Variants in KIAA1328 observed in about 807,000 individuals in gnomAD.
KIAA1328 encodes KIAA1328, also known as protein hinderin.
A neutral mutation model predicts 68.1 loss-of-function variants in KIAA1328; 52 were observed. The ratio of observed to expected loss-of-function variants is 0.76; its 90% CI spans 0.61 to 0.96. The LOEUF is 0.96. Among genes scored for constraint, KIAA1328 ranks in the 40% least tolerant of loss-of-function variants. KIAA1328 has a pLI of 0.00. For missense variants in KIAA1328, 641 were observed against 677.6 expected (o/e 0.95, Z 0.60); for synonymous variants, 232 against 239.4 (o/e 0.97, Z 0.28).
chr18:37,014,727 C>T (rs1314409825), intron 6 of KIAA1328, among the ~76,000 whole-genome samples: 5 of 152,112 alleles, frequency 3.3e-5, no homozygotes, highest in Admixed American at 1.3e-4. Context: ...TGGGACAGTA[C>T]CAAGGGGGAA....
At chr18:36,871,042 A>G (rs961903962) in intron 4 of KIAA1328, among the ~76,000 whole-genome samples, 1 of 152,134 alleles carries the variant, frequency 6.6e-6, no homozygotes, top group Non-Finnish European at 1.5e-5. Flanking sequence ...TCCCGTCAAC[A>G]TGAGTCTCCT....
chr18:37,126,838 A>G (rs962762062), intron 7 of KIAA1328, among the ~76,000 whole-genome samples: 3 of 152,172 alleles, frequency 2.0e-5, no homozygotes, highest in Admixed American at 2.0e-4. Flanking sequence ...GCTAGAAGAG[A>G]AAAACCACCT....
chr18:36,963,394 A>C (rs2051779703), intron 6 of KIAA1328, among the ~76,000 whole-genome samples: 1 of 152,224 alleles, frequency 6.6e-6, no homozygotes, highest in South Asian at 2.1e-4. Flanking sequence ...GGATGTGGGA[A>C]GGGAGATGGA....
intron 6 of KIAA1328, among the ~76,000 whole-genome samples, chr18:36,969,427 T>A (rs2052078014): frequency 6.6e-6 from 1 of 151,832 alleles, no homozygotes; most frequent in African/African-American, 2.4e-5. Context: ...AAGATCCAAG[T>A]AAACACAATC....
chr18:37,068,654 T>C (rs922823386), intron 7 of KIAA1328, among the ~76,000 whole-genome samples: 2 of 152,218 alleles, frequency 1.3e-5, no homozygotes, highest in African/African-American at 4.8e-5. Flanking sequence ...GTATTGCCCA[T>C]ATTCTAATTG....
chr18:36,912,268 C>G (rs960490124), intron 5 of KIAA1328, among the ~76,000 whole-genome samples: 1 of 152,094 alleles, frequency 6.6e-6, no homozygotes, highest in African/African-American at 2.4e-5. Flanking sequence ...AAGGTGTCAG[C>G]AGGACTGTTA....
intron 9 of KIAA1328, among the ~76,000 whole-genome samples, chr18:37,176,329 A>T (rs1471214934): frequency 3.3e-5 from 5 of 152,250 alleles, no homozygotes; most frequent in African/African-American, 1.2e-4. Flanking sequence ...ACCATAAGAC[A>T]TCAATATCAC....
chr18:36,905,416 A>G (rs1051471753), intron 5 of KIAA1328, among the ~76,000 whole-genome samples: 3 of 151,952 alleles, frequency 2.0e-5, no homozygotes, highest in Non-Finnish European at 2.9e-5. Flanking sequence ...CTGGCCTTGT[A>G]AGGATATTTA....
chr18:37,189,627 G>C (rs1285516469), intron 9 of KIAA1328, among the ~76,000 whole-genome samples: 1 of 152,130 alleles, frequency 6.6e-6, no homozygotes, highest in Non-Finnish European at 1.5e-5. Flanking sequence ...CCCCAAGTCA[G>C]GTTTAAAGTG....
intron 7 of KIAA1328, among the ~76,000 whole-genome samples, chr18:37,085,326 A>G (rs773368834): frequency 5.9e-5 from 9 of 152,258 alleles, no homozygotes; most frequent in Middle Eastern, 3.4e-3. Context: ...AACAGAGGGT[A>G]TCTCTCTCTA....
At chr18:37,150,721 A>T (rs1055952765) in intron 7 of KIAA1328, among the ~76,000 whole-genome samples, 1 of 152,174 alleles carries the variant, frequency 6.6e-6, no homozygotes, top group Non-Finnish European at 1.5e-5. Flanking sequence ...ATAATAAAAA[A>T]TATTTTAATC....
chr18:36,897,540 G>C (rs938551919), intron 5 of KIAA1328, among the ~76,000 whole-genome samples: 1 of 152,032 alleles, frequency 6.6e-6, no homozygotes, highest in African/African-American at 2.4e-5. Flanking sequence ...GTTGGATATA[G>C]TAATTGCCCT....
chr18:37,107,238 T>TA (rs2057800296), intron 7 of KIAA1328, among the ~76,000 whole-genome samples: 1 of 152,084 alleles, frequency 6.6e-6, no homozygotes, highest in African/African-American at 2.4e-5. Flanking sequence ...GACTCTGTCT[T>TA]AAAAAACAAA....
intron 5 of KIAA1328, among the ~76,000 whole-genome samples, chr18:36,919,068 A>G (rs1277618265): frequency 6.6e-6 from 1 of 152,158 alleles, no homozygotes; most frequent in Non-Finnish European, 1.5e-5. Flanking sequence ...TTTAATTGTC[A>G]GTTGCATTAA....
intron 9 of KIAA1328, among the ~76,000 whole-genome samples, chr18:37,216,015 C>T (rs1466003065): frequency 6.6e-6 from 1 of 152,046 alleles, no homozygotes; most frequent in South Asian, 2.1e-4. Context: ...CATTTTTTAT[C>T]GCATCTCTTT....
intron 9 of KIAA1328, among the ~76,000 whole-genome samples, chr18:37,220,883 G>A (rs944398050): frequency 7.9e-5 from 12 of 152,216 alleles, no homozygotes; most frequent in African/African-American, 2.4e-4. Flanking sequence ...CTGGAGTGCA[G>A]TGGCACGATC....
chr18:37,069,326 C>T (rs1302522455), intron 7 of KIAA1328, among the ~76,000 whole-genome samples: 1 of 147,928 alleles, frequency 6.8e-6, no homozygotes. Context: ...GTGGCATGAT[C>T]TTAGCCCACT....
chr18:36,890,795 C>T (rs143080603), intron 5 of KIAA1328, among the ~76,000 whole-genome samples: 1,968 of 152,140 alleles, frequency 0.013, 28 homozygotes, highest in Non-Finnish European at 0.02. Context: ...GATGACTCAA[C>T]AAAAAATGAT....
At chr18:37,154,025 T>G (rs1376854013) in intron 7 of KIAA1328, among the ~76,000 whole-genome samples, 1 of 152,126 alleles carries the variant, frequency 6.6e-6, no homozygotes, top group African/African-American at 2.4e-5. Flanking sequence ...TACAGGTGCC[T>G]TAGAGAATCC....
Sources: gnomAD v4.1 joint callset for allele counts (sites outside exome capture counted in the v4.1 genomes callset) on GRCh38, gnomAD v4.1.1 for gene constraint, MANE v1.5 for transcripts, NCBI Gene and HGNC (gene_info 2026-07-23, HGNC 2026-07-21) for gene names.